Variants in TMEM150C observed in about 807,000 individuals in gnomAD.
TMEM150C encodes the protein tentonin 3.
A neutral mutation model predicts 29.9 loss-of-function variants in TMEM150C; 10 were observed. The observed-to-expected ratio is 0.33, with a 90% CI of 0.21 to 0.57. The LOEUF is 0.57. Among genes scored for constraint, TMEM150C ranks in the 20% least tolerant of loss-of-function variants. The probability of loss-of-function intolerance (pLI) is 0.88; values close to 1 mark genes in which losing one functional copy is unlikely to be tolerated. For synonymous variants in TMEM150C, 101 were observed against 112.5 expected (o/e 0.90, Z 0.64); for missense variants, 251 against 303.6 (o/e 0.83, Z 1.29).
At chr4:82,541,267 T>C (rs969042563) in intron 1 of TMEM150C, among the ~76,000 whole-genome samples, 10 of 152,202 alleles carry the variant, frequency 6.6e-5, no homozygotes, top group Non-Finnish European at 1.5e-4. Flanking sequence ...TTTGATTCAA[T>C]CTCATAATAT....
intron 1 of TMEM150C, among the ~76,000 whole-genome samples, chr4:82,558,206 A>G (rs1407853938): frequency 6.6e-6 from 1 of 152,176 alleles, no homozygotes; most frequent in Non-Finnish European, 1.5e-5. Context: ...GGTAGCCACT[A>G]GCCTCATGTG....
intron 1 of TMEM150C, among the ~76,000 whole-genome samples, chr4:82,507,664 T>G (rs1723969463): frequency 6.7e-6 from 1 of 149,706 alleles, no homozygotes; most frequent in African/African-American, 2.4e-5. Flanking sequence ...TTCAGATACC[T>G]GACTGAAAGT....
chr4:82,496,964 C>T (rs913747575), intron 5 of TMEM150C, among the ~76,000 whole-genome samples: 1 of 152,150 alleles, frequency 6.6e-6, no homozygotes, highest in African/African-American at 2.4e-5. Context: ...AAAAATCGTA[C>T]CTAGTATATC....
chr4:82,536,189 C>T (rs1724997677), intron 1 of TMEM150C, among the ~76,000 whole-genome samples: 2 of 151,888 alleles, frequency 1.3e-5, no homozygotes, highest in African/African-American at 4.8e-5. Context: ...GATACCCCAT[C>T]TCTACTAAAA....
intron 1 of TMEM150C, among the ~76,000 whole-genome samples, chr4:82,561,182 C>A (rs1423624788): frequency 6.6e-6 from 1 of 152,144 alleles, no homozygotes; most frequent in Non-Finnish European, 1.5e-5. Flanking sequence ...AGGGGAAAAC[C>A]ACTCAAGGAC....
At chr4:82,507,719 CTCTCTCTCTTTTTTTTTTTTTTTTTT>C (rs1343099217) in intron 1 of TMEM150C, among the ~76,000 whole-genome samples, 1,713 of 68,260 alleles carry the variant, frequency 0.025, 66 homozygotes, top group African/African-American at 0.11. Flanking sequence ...AACTCTCTCT[CTCTCTCTCTTTTTTTTTTTTTTTTTT>C]TTTTTTTTTT....
chr4:82,488,029 C>T (rs188851449), intron 7 of TMEM150C, among the ~76,000 whole-genome samples: 3 of 152,178 alleles, frequency 2.0e-5, no homozygotes, highest in Non-Finnish European at 4.4e-5. Flanking sequence ...GATTTTGGTG[C>T]ACCCACCACC....
At chr4:82,553,614 C>T (rs1230430885) in intron 1 of TMEM150C, among the ~76,000 whole-genome samples, 1 of 152,128 alleles carries the variant, frequency 6.6e-6, no homozygotes, top group Non-Finnish European at 1.5e-5. Flanking sequence ...TAAGTTAGAA[C>T]TTGTGTTATG....
chr4:82,527,199 G>A (rs1430738881), intron 1 of TMEM150C, among the ~76,000 whole-genome samples: 1 of 151,864 alleles, frequency 6.6e-6, no homozygotes, highest in African/African-American at 2.4e-5. Flanking sequence ...TGTTTCCGGT[G>A]AGAATGGACA....
At chr4:82,552,243 G>A (rs764937927) in intron 1 of TMEM150C, among the ~76,000 whole-genome samples, 6 of 152,048 alleles carry the variant, frequency 3.9e-5, no homozygotes, top group Non-Finnish European at 5.9e-5. Flanking sequence ...CACTACCCTC[G>A]GGTATTCCTT....
intron 7 of TMEM150C, 145 bp downstream of exon 7, chr4:82,489,916 G>A (rs1008349295): frequency 1.4e-6 from 1 of 739,800 alleles, no homozygotes; most frequent in Admixed American, 3.2e-5. Flanking sequence ...TGGTCTGAGG[G>A]TTTTTGTTTT....
chr4:82,510,713 T>G (rs747128344), intron 1 of TMEM150C, among the ~76,000 whole-genome samples: 2 of 152,220 alleles, frequency 1.3e-5, no homozygotes, highest in African/African-American at 2.4e-5. Flanking sequence ...TTTTGTCTTG[T>G]AATTTATCAG....
intron 1 of TMEM150C, among the ~76,000 whole-genome samples, chr4:82,523,981 C>T (rs925379367): frequency 6.6e-6 from 1 of 151,150 alleles, no homozygotes; most frequent in African/African-American, 2.4e-5. Flanking sequence ...TACACCTGGC[C>T]TCAAATAACC....
chr4:82,504,085 C>A (rs959402035), intron 2 of TMEM150C, among the ~76,000 whole-genome samples: 2 of 152,134 alleles, frequency 1.3e-5, no homozygotes, highest in African/African-American at 4.8e-5. Context: ...ATTACTCACT[C>A]TTGTTACTTA....
intron 6 of TMEM150C, chr4:82,491,762 A>G (rs1184628458): frequency 9.0e-6 from 3 of 333,768 alleles, no homozygotes; most frequent in Non-Finnish European, 1.6e-5. Context: ...TCGGCCTCCC[A>G]AAGTGCTGAG....
At chr4:82,525,531 T>C (rs1459302908) in intron 1 of TMEM150C, among the ~76,000 whole-genome samples, 1 of 152,228 alleles carries the variant, frequency 6.6e-6, no homozygotes, top group Non-Finnish European at 1.5e-5. Flanking sequence ...GAAAGGGGGA[T>C]AGAATAGCTC....
At chr4:82,544,838 C>T (rs1725316156) in intron 1 of TMEM150C, among the ~76,000 whole-genome samples, 1 of 150,200 alleles carries the variant, frequency 6.7e-6, no homozygotes, top group Non-Finnish European at 1.5e-5. Context: ...GAAAATGAAA[C>T]TCTGGACAGA....
At chr4:82,507,721 CTCTCTCTTTTTTTTTTTTTTTTT>C (rs1723974402) in intron 1 of TMEM150C, among the ~76,000 whole-genome samples, 1 of 59,986 alleles carries the variant, frequency 1.7e-5, no homozygotes, top group African/African-American at 1.0e-4. Flanking sequence ...CTCTCTCTCT[CTCTCTCTTTTTTTTTTTTTTTTT>C]TTTTTTTTTT....
chr4:82,502,154 G>A (rs1407806637), intron 5 of TMEM150C, among the ~76,000 whole-genome samples: 1 of 152,178 alleles, frequency 6.6e-6, no homozygotes, highest in Non-Finnish European at 1.5e-5. Context: ...TATTACAGGA[G>A]GGTCTTGGGC....
Sources: gnomAD v4.1 joint callset for allele counts (sites outside exome capture counted in the v4.1 genomes callset) on GRCh38, gnomAD v4.1.1 for gene constraint, MANE v1.5 for transcripts, NCBI Gene and HGNC (gene_info 2026-07-23, HGNC 2026-07-21) for gene names.